The following GRM7 variants were observed in gnomAD, a reference collection of about 807,000 sequenced individuals.
GRM7 encodes the protein glutamate metabotropic receptor 7.
In GRM7, 35 loss-of-function variants were observed where a neutral mutation model predicts 84.5. The observed-to-expected ratio is 0.41, with a 90% CI of 0.32 to 0.55. The LOEUF is 0.55. Among genes scored for constraint, GRM7 ranks in the 20% least tolerant of loss-of-function variants. The probability of loss-of-function intolerance (pLI) is 0.19; values close to 1 mark genes in which losing one functional copy is unlikely to be tolerated. For synonymous variants in GRM7, 487 were observed against 455.1 expected, an observed-to-expected ratio of 1.07 and a Z score of -0.89; for missense variants, 1,003 against 1,194.6, an observed-to-expected ratio of 0.84 and a Z score of 2.36.
At chr3:7,169,681 G>A (rs114343190) in intron 2 of GRM7, among the ~76,000 whole-genome samples, 1,585 of 152,220 alleles carry the variant, frequency 0.01, 29 homozygotes, top group African/African-American at 0.035. Flanking sequence ...CTTATGACAC[G>A]AACATGGTAG....
intron 4 of GRM7, among the ~76,000 whole-genome samples, chr3:7,393,856 T>G (rs2125146510): frequency 6.6e-6 from 1 of 152,284 alleles, no homozygotes; most frequent in African/African-American, 2.4e-5. Flanking sequence ...ATTAGAATCT[T>G]GAAGAGACCA....
At chr3:7,007,586 C>A (rs1695225933) in intron 1 of GRM7, among the ~76,000 whole-genome samples, 2 of 152,168 alleles carry the variant, frequency 1.3e-5, no homozygotes, top group Admixed American at 1.3e-4. Context: ...CTGGATGTAG[C>A]CTCATGGCCT....
At chr3:7,079,697 G>A (rs1473784818) in intron 1 of GRM7, among the ~76,000 whole-genome samples, 1 of 152,104 alleles carries the variant, frequency 6.6e-6, no homozygotes, top group African/African-American at 2.4e-5. Context: ...ACCTGTGATG[G>A]TGGGATATTT....
At chr3:6,885,111 G>A (rs1208580281) in intron 1 of GRM7, among the ~76,000 whole-genome samples, 1 of 152,126 alleles carries the variant, frequency 6.6e-6, no homozygotes, top group Non-Finnish European at 1.5e-5. Flanking sequence ...CCTGATGCAC[G>A]ACAGGCAGAC....
chr3:7,132,525 A>C (rs1417200220), intron 1 of GRM7, among the ~76,000 whole-genome samples: 1 of 152,206 alleles, frequency 6.6e-6, no homozygotes, highest in Non-Finnish European at 1.5e-5. Flanking sequence ...AATCGTATAA[A>C]TCTTTTTTTG....
At chr3:7,728,087 G>C (rs1371984652) in intron 9 of GRM7, among the ~76,000 whole-genome samples, 1 of 152,178 alleles carries the variant, frequency 6.6e-6, no homozygotes, top group Non-Finnish European at 1.5e-5. Flanking sequence ...AGAAGCCACT[G>C]AACTTAACAG....
chr3:7,510,061 T>C (rs1402511431), intron 7 of GRM7, among the ~76,000 whole-genome samples: 1 of 152,174 alleles, frequency 6.6e-6, no homozygotes, highest in Non-Finnish European at 1.5e-5. Flanking sequence ...ATCACTGGTT[T>C]TTAGATTTTA....
intron 2 of GRM7, 148 bp downstream of exon 2, chr3:7,146,816 C>A: frequency 1.6e-6 from 1 of 622,064 alleles, no homozygotes; most frequent in Non-Finnish European, 2.8e-6. Context: ...ATCTGTATGA[C>A]TTTGTTGTTT....
chr3:7,644,497 A>G (rs1044693373), intron 8 of GRM7, among the ~76,000 whole-genome samples: 1 of 152,132 alleles, frequency 6.6e-6, no homozygotes, highest in African/African-American at 2.4e-5. Context: ...TATTCTGTCA[A>G]GTTACTTAAA....
chr3:7,074,638 A>G (rs1272457852), intron 1 of GRM7, among the ~76,000 whole-genome samples: 1 of 152,212 alleles, frequency 6.6e-6, no homozygotes, highest in African/African-American at 2.4e-5. Flanking sequence ...TAATATTTTT[A>G]GAATTGTATT....
intron 1 of GRM7, among the ~76,000 whole-genome samples, chr3:7,039,110 A>G (rs57789733): frequency 0.13 from 19,922 of 152,028 alleles, 4,466 homozygotes; most frequent in African/African-American, 0.46. Context: ...TGTTTAAAAA[A>G]TAATAATAAA....
At chr3:6,939,900 A>G (rs535178) in intron 1 of GRM7, among the ~76,000 whole-genome samples, 105,098 of 151,870 alleles carry the variant, frequency 0.69, 37,087 homozygotes, top group African/African-American at 0.84. Context: ...TTTTCATTTC[A>G]TGATTTACAA....
At chr3:6,976,790 C>G (rs1290853055) in intron 1 of GRM7, among the ~76,000 whole-genome samples, 2 of 152,166 alleles carry the variant, frequency 1.3e-5, no homozygotes, top group African/African-American at 4.8e-5. Context: ...ACCATCTGCA[C>G]TGCCAAATAC....
Position 6,862,854 on chromosome 3 carries a change from C to T in GRM7, c.519+947C>T, listed in dbSNP as rs1694808046. On this transcript the variant is annotated intron_variant, in intron 1 of 9. Coordinates refer to ENST00000357716, the MANE Select transcript of GRM7 (RefSeq NM_000844.4). This position sits in a 1 kb window ranked among gnomAD's most constrained non-coding sequence, Gnocchi z 5.2. Reference sequence around the variant, plus strand: ...CAGAGGGGTGCGTGAAGCGGGGCCCCGTGGTCCTCCTGCTCCGGTGCCGGA... The same window carrying T: ...CAGAGGGGTGCGTGAAGCGGGGCCCTGTGGTCCTCCTGCTCCGGTGCCGGA... The T allele has an allele frequency of 8.6e-6, 3 of 348,280 alleles. No individual in the cohort carries two copies. Among genetic ancestry groups the T allele is most frequent in the Admixed American group, 3.6e-5 (1 of 27,592 alleles). The allele number at this position is 348,280 out of a possible 1,614,324, so 21.6% of individuals were successfully genotyped here.
intron 7 of GRM7, among the ~76,000 whole-genome samples, chr3:7,485,974 A>G (rs962755187): frequency 6.6e-6 from 1 of 152,206 alleles, no homozygotes; most frequent in African/African-American, 2.4e-5. Flanking sequence ...TAACATATTA[A>G]GACATAAATG....
chr3:7,286,259 C>T, intron 2 of GRM7, among the ~76,000 whole-genome samples: 1 of 152,100 alleles, frequency 6.6e-6, no homozygotes, highest in South Asian at 2.1e-4. Flanking sequence ...ATTTAACATA[C>T]AGTTTTGAGG....
At chr3:6,898,522 T>A (rs899691507) in intron 1 of GRM7, among the ~76,000 whole-genome samples, 2 of 152,008 alleles carry the variant, frequency 1.3e-5, no homozygotes, top group Non-Finnish European at 2.9e-5. Flanking sequence ...AATATTTGAA[T>A]AACATCAGAG....
intron 1 of GRM7, among the ~76,000 whole-genome samples, chr3:6,884,694 G>A (rs2124969455): frequency 6.6e-6 from 1 of 151,994 alleles, no homozygotes; most frequent in South Asian, 2.1e-4. Context: ...TCGCCTTTGG[G>A]GTTCAAGCAA....
chr3:7,655,054 A>G (rs1266698282), intron 8 of GRM7, among the ~76,000 whole-genome samples: 1 of 152,192 alleles, frequency 6.6e-6, no homozygotes, highest in Non-Finnish European at 1.5e-5. Context: ...CATTTTAACA[A>G]GAGAAGTCAG....
Sources: allele counts gnomAD v4.1 joint callset (sites outside exome capture counted in the v4.1 genomes callset), GRCh38; gene constraint gnomAD v4.1.1; non-coding constraint Gnocchi (gnomAD v3.1); transcripts MANE v1.5; gene names NCBI Gene and HGNC (gene_info 2026-07-23, HGNC 2026-07-21).